Variants in PHKA1 observed in about 807,000 individuals in gnomAD.
PHKA1 encodes phosphorylase kinase regulatory subunit alpha 1, also known as phosphorylase b kinase regulatory subunit alpha, skeletal muscle isoform.
In PHKA1, 60 loss-of-function variants were observed where a neutral mutation model predicts 110.2. The observed-to-expected ratio is 0.54, with a 90% CI of 0.44 to 0.68. PHKA1 has a LOEUF of 0.68. Ranked by LOEUF, PHKA1 falls within the 30% of genes least tolerant of loss-of-function variation. The probability of loss-of-function intolerance (pLI) is 0.00; values close to 1 mark genes in which losing one functional copy is unlikely to be tolerated. For missense variants in PHKA1, 801 were observed against 942.5 expected, an observed-to-expected ratio of 0.85 and a Z score of 1.97; for synonymous variants, 316 against 333.6, an observed-to-expected ratio of 0.95 and a Z score of 0.58.
intron 6 of PHKA1, among the ~76,000 whole-genome samples, chrX:72,668,609 G>C (rs1304875707): frequency 9.0e-6 from 1 of 111,213 alleles, no homozygotes; most frequent in African/African-American, 3.3e-5. Context: ...CCTAGTCTTG[G>C]GGGTAGAAGC....
chrX:72,640,566 A>C (rs1252407558), intron 14 of PHKA1, among the ~76,000 whole-genome samples: 2 of 112,136 alleles, frequency 1.8e-5, no homozygotes, highest in Admixed American at 9.5e-5. Flanking sequence ...ACATGTTTGT[A>C]CTTATTTTAT....
At chrX:72,588,463 C>T (rs1603250561) in intron 29 of PHKA1, among the ~76,000 whole-genome samples, 1 of 111,598 alleles carries the variant, frequency 9.0e-6, no homozygotes, top group Non-Finnish European at 1.9e-5. Flanking sequence ...TAAATGCCCA[C>T]AAGAGAAAGC....
chrX:72,644,645 T>A (rs1303998735), intron 13 of PHKA1, 149 bp from the exon 14 acceptor site: 6 of 484,314 alleles, frequency 1.2e-5, no homozygotes, highest in Non-Finnish European at 2.1e-5. Flanking sequence ...AAAATAAGTA[T>A]CATGCTAAAT....
chrX:72,641,775 T>G (rs1427477884), intron 14 of PHKA1, among the ~76,000 whole-genome samples: 1 of 111,703 alleles, frequency 9.0e-6, no homozygotes. Flanking sequence ...AGGGCAATTT[T>G]TTTATTGTGA....
chrX:72,712,745 G>A (rs2054401463), intron 2 of PHKA1, 34 bp downstream of exon 2: 1 of 1,186,534 alleles, frequency 8.4e-7, no homozygotes. Context: ...ATCACACATA[G>A]CTCCAGATCT....
chrX:72,662,545 G>A (rs1442770174), intron 8 of PHKA1, among the ~76,000 whole-genome samples: 1 of 111,903 alleles, frequency 8.9e-6, no homozygotes, highest in African/African-American at 3.3e-5. Flanking sequence ...CAAGTCCCAC[G>A]CCCCCAGGCA....
intron 10 of PHKA1, among the ~76,000 whole-genome samples, chrX:72,655,615 T>G (rs2053483796): frequency 9.0e-6 from 1 of 111,322 alleles, no homozygotes; most frequent in Non-Finnish European, 1.9e-5. Context: ...TGGTCAGGAG[T>G]GAAACCAAAA....
At chrX:72,661,932 C>T (rs1350074575) in intron 8 of PHKA1, among the ~76,000 whole-genome samples, 2 of 111,006 alleles carry the variant, frequency 1.8e-5, no homozygotes, top group Admixed American at 1.9e-4. Flanking sequence ...TAGAAAAGCC[C>T]AGGATGGCAG....
chrX:72,676,421 T>C (rs1407137001), intron 5 of PHKA1, among the ~76,000 whole-genome samples: 1 of 111,569 alleles, frequency 9.0e-6, no homozygotes. Flanking sequence ...TATAACTCTG[T>C]CTATCTGGAG....
chrX:72,600,845 T>C (rs187518050), intron 28 of PHKA1, among the ~76,000 whole-genome samples: 2 of 111,418 alleles, frequency 1.8e-5, no homozygotes, highest in African/African-American at 6.5e-5. Context: ...ACCCCAGTGC[T>C]AAAAAGCTAA....
At chrX:72,679,711 G>A (rs781946391) in intron 5 of PHKA1, among the ~76,000 whole-genome samples, 2 of 110,801 alleles carry the variant, frequency 1.8e-5, no homozygotes, top group East Asian at 2.8e-4. Context: ...TAGTGAAGTC[G>A]AAGGCATAGT....
rs1203297354 is a variant in PHKA1, at chrX:72,644,358, T to C, written c.1459+4A>G. 15 of 1,207,289 alleles carry C rather than the reference T, an allele frequency of 1.2e-5. No homozygotes were observed. The highest frequency in any genetic ancestry group is 1.7e-5 in the Non-Finnish European group (15 of 893,330). On this transcript the variant is annotated splice_donor_region_variant and intron_variant, in intron 14 of 31. Coordinates refer to ENST00000373542, the MANE Select transcript of PHKA1 (RefSeq NM_002637.4). ...GATTCTAGCAGGCTAGCCAATCTCCTTACCTAGGCTGGAATAAATGTGGCT... is the reference window on the plus strand; with the variant it reads ...GATTCTAGCAGGCTAGCCAATCTCCCTACCTAGGCTGGAATAAATGTGGCT...
chrX:72,705,272 G>T (rs2054266684), intron 2 of PHKA1, 27 bp from the exon 3 acceptor site: 7 of 1,122,031 alleles, frequency 6.2e-6, no homozygotes, highest in Non-Finnish European at 8.5e-6. Flanking sequence ...AAACAAGACA[G>T]TTATAAACAT....
chrX:72,631,674 G>C (rs782482028), intron 16 of PHKA1, among the ~76,000 whole-genome samples: 37 of 109,471 alleles, frequency 3.4e-4, no homozygotes, highest in Non-Finnish European at 5.9e-4. Flanking sequence ...GGACATATAA[G>C]GCCCAGGATA....
intron 3 of PHKA1, among the ~76,000 whole-genome samples, chrX:72,703,783 A>G (rs2054239328): frequency 8.9e-6 from 1 of 112,163 alleles, no homozygotes; most frequent in African/African-American, 3.2e-5. Context: ...TCTATCTACT[A>G]TATATTTCCT....
chrX:72,671,502 C>T (rs1189965271), intron 6 of PHKA1, among the ~76,000 whole-genome samples: 6 of 111,589 alleles, frequency 5.4e-5, no homozygotes, highest in African/African-American at 2.0e-4. Context: ...GTGAAAATGG[C>T]CATACTGCCC....
intron 23 of PHKA1, among the ~76,000 whole-genome samples, chrX:72,608,270 C>T (rs781809623): frequency 7.2e-5 from 8 of 111,415 alleles, no homozygotes; most frequent in Non-Finnish European, 1.5e-4. Context: ...CTGCCTGGTG[C>T]CCTATCCTAC....
chrX:72,589,233 T>C (rs2052480194), intron 29 of PHKA1, among the ~76,000 whole-genome samples: 2 of 111,804 alleles, frequency 1.8e-5, no homozygotes, highest in East Asian at 2.8e-4. Context: ...TCAACCATGA[T>C]CGAGTCGGCT....
At chrX:72,667,885 CAG>C (rs782101134) in intron 6 of PHKA1, among the ~76,000 whole-genome samples, 1 of 111,667 alleles carries the variant, frequency 9.0e-6, no homozygotes, top group African/African-American at 3.2e-5. Context: ...CAGTAAAGTA[CAG>C]AGAGGGCAAG....
Sources: gnomAD v4.1 joint callset for allele counts (sites outside exome capture counted in the v4.1 genomes callset) on GRCh38, gnomAD v4.1.1 for gene constraint, MANE v1.5 for transcripts, NCBI Gene and HGNC (gene_info 2026-07-23, HGNC 2026-07-21) for gene names.